The following LGSN variants were observed in gnomAD, a reference collection of about 807,000 sequenced individuals.
LGSN encodes the protein lengsin, lens protein with glutamine synthetase domain.
A neutral mutation model predicts 19.5 loss-of-function variants in LGSN; 21 were observed. The observed-to-expected ratio is 1.07, with a 90% CI of 0.76 to 1.55. LGSN has a LOEUF of 1.55. Ranked by LOEUF, LGSN falls within the 40% of genes most tolerant of loss-of-function variation. LGSN has a pLI of 0.00. For missense variants in LGSN, 673 were observed against 608.5 expected (o/e 1.11, Z -1.12); for synonymous variants, 257 against 215.6 (o/e 1.19, Z -1.68).
At chr6:63,540,034 A>G in the LGSN span, among the ~76,000 whole-genome samples, 3 of 152,164 alleles carry the variant, frequency 2.0e-5, no homozygotes, top group Non-Finnish European at 4.4e-5. Context: ...CCAGAAGACA[A>G]TCTAGAGTTT....
intron 1 of LGSN, 62 bp downstream of exon 1, chr6:63,319,851 AT>A: frequency 1.7e-6 from 2 of 1,192,246 alleles, no homozygotes; most frequent in East Asian, 2.3e-5. Flanking sequence ...AATAATTGAC[AT>A]TTTTTAAAAA....
At chr6:63,370,262 T>C in the LGSN span, among the ~76,000 whole-genome samples, 1 of 152,220 alleles carries the variant, frequency 6.6e-6, no homozygotes, top group African/African-American at 2.4e-5. Context: ...GCTGGCATGG[T>C]ATCCCAGGTA....
chr6:63,378,044 A>G, the LGSN span, among the ~76,000 whole-genome samples: 3 of 151,346 alleles, frequency 2.0e-5, no homozygotes, highest in Non-Finnish European at 4.4e-5. Context: ...GAAAAAAAAA[A>G]AAAAAAAGAA....
the LGSN span, among the ~76,000 whole-genome samples, chr6:63,567,523 G>T: frequency 6.6e-6 from 1 of 152,172 alleles, no homozygotes; most frequent in Non-Finnish European, 1.5e-5. Flanking sequence ...TATTTAGTGA[G>T]CCATGCTAAA....
At chr6:63,322,696 C>T (rs974418000), upstream of LGSN, among the ~76,000 whole-genome samples, 1 of 152,144 alleles carries the variant, frequency 6.6e-6, no homozygotes, top group African/African-American at 2.4e-5. Flanking sequence ...TTCATGAATC[C>T]AGTCCCCATT....
At chr6:63,394,103 C>T in the LGSN span, among the ~76,000 whole-genome samples, 1 of 152,096 alleles carries the variant, frequency 6.6e-6, no homozygotes, top group South Asian at 2.1e-4. Flanking sequence ...CCTGTCTCCA[C>T]TAAAAATACA....
chr6:63,381,438 A>G, the LGSN span, among the ~76,000 whole-genome samples: 1 of 152,240 alleles, frequency 6.6e-6, no homozygotes, highest in African/African-American at 2.4e-5. Flanking sequence ...CTGAAAGAAA[A>G]GAGTAGTACT....
chr6:63,462,767 CTTAA>C, the LGSN span, among the ~76,000 whole-genome samples: 1 of 142,588 alleles, frequency 7.0e-6, no homozygotes, highest in South Asian at 2.3e-4. Context: ...AATTTGATAC[CTTAA>C]TTATTTATCT....
At chr6:63,385,258 C>G in the LGSN span, among the ~76,000 whole-genome samples, 4 of 151,654 alleles carry the variant, frequency 2.6e-5, no homozygotes, top group African/African-American at 9.8e-5. Flanking sequence ...CCATCTTACA[C>G]CTGTACAGAG....
the LGSN span, among the ~76,000 whole-genome samples, chr6:63,459,067 A>G: frequency 6.6e-6 from 1 of 152,314 alleles, no homozygotes; most frequent in African/African-American, 2.4e-5. Flanking sequence ...TTTCCTTTAC[A>G]TAAGATTTTA....
At chr6:63,518,478 G>C in the LGSN span, among the ~76,000 whole-genome samples, 1 of 152,186 alleles carries the variant, frequency 6.6e-6, no homozygotes, top group Non-Finnish European at 1.5e-5. Flanking sequence ...AGAGGTAAAG[G>C]ATAACAACCA....
At chr6:63,504,743 T>C in the LGSN span, among the ~76,000 whole-genome samples, 1 of 152,210 alleles carries the variant, frequency 6.6e-6, no homozygotes, top group African/African-American at 2.4e-5. Context: ...CACACTCAGC[T>C]GAAAATCATT....
the LGSN span, among the ~76,000 whole-genome samples, chr6:63,342,412 G>A: frequency 3.3e-5 from 5 of 152,104 alleles, no homozygotes; most frequent in Admixed American, 1.3e-4. Flanking sequence ...ATTTAAGGCT[G>A]TTAAAAATTA....
chr6:63,315,157 T>C (rs1234074321), intron 1 of LGSN, among the ~76,000 whole-genome samples: 2 of 152,198 alleles, frequency 1.3e-5, no homozygotes, highest in Non-Finnish European at 2.9e-5. Flanking sequence ...CATAAAGTAG[T>C]AATTGAGTAA....
chr6:63,540,357 A>G, the LGSN span, among the ~76,000 whole-genome samples: 1 of 152,208 alleles, frequency 6.6e-6, no homozygotes, highest in Admixed American at 6.5e-5. Context: ...ACAATGGGTC[A>G]CACCTGTAAT....
the LGSN span, among the ~76,000 whole-genome samples, chr6:63,420,357 A>T: frequency 1.3e-5 from 2 of 152,228 alleles, no homozygotes; most frequent in Admixed American, 6.5e-5. Context: ...CTCAACTGAT[A>T]TGCCATTCCA....
chr6:63,349,470 G>A, the LGSN span, among the ~76,000 whole-genome samples: 1 of 152,162 alleles, frequency 6.6e-6, no homozygotes, highest in Non-Finnish European at 1.5e-5. Context: ...TTTGTGATGT[G>A]GCTATGGCCT....
At position 63,280,270 on chromosome 6, in the gene LGSN, G is replaced by C; in HGVS notation, c.1281C>G (p.Gly427=). Residue 427 remains glycine, a synonymous_variant, in exon 4 of 4, where the codon GGC becomes GGG. Transcript: ENST00000370657. ...YLVLAATVAA[G]LDGLHSSNEV... ...CATTACTGCTATGAAGTCCATCTAA[G>C]CCGGCAGCAACAGTTGCAGCCAGCA... 1 of 1,614,218 alleles carries C rather than the reference G, an allele frequency of 6.2e-7. No homozygotes were observed. The highest frequency in any genetic ancestry group is 1.1e-5 in the South Asian group (1 of 91,088).
the LGSN span, among the ~76,000 whole-genome samples, chr6:63,516,539 C>T: frequency 6.6e-6 from 1 of 152,170 alleles, no homozygotes; most frequent in African/African-American, 2.4e-5. Context: ...GTCCATTTAA[C>T]TTCTTATGAC....
Sources: allele counts gnomAD v4.1 joint callset (sites outside exome capture counted in the v4.1 genomes callset), GRCh38; gene constraint gnomAD v4.1.1; transcripts MANE v1.5; gene names NCBI Gene and HGNC (gene_info 2026-07-23, HGNC 2026-07-21).